TENM2: variants seen among roughly 807,000 people sequenced by gnomAD.
TENM2 encodes the protein teneurin transmembrane protein 2.
In TENM2, 52 loss-of-function variants were observed where a neutral mutation model predicts 245.2. That is an observed-to-expected ratio of 0.21 (90% confidence interval 0.17 to 0.27). The LOEUF (loss-of-function observed/expected upper bound fraction) is 0.27, where lower values mean the gene tolerates loss of function less well. TENM2 is among the 10% of genes least tolerant of loss of function. The probability of loss-of-function intolerance (pLI) is 1.00; values close to 1 mark genes in which losing one functional copy is unlikely to be tolerated. For missense variants in TENM2, 3,046 were observed against 3,666.8 expected, an observed-to-expected ratio of 0.83 and a Z score of 4.37; for synonymous variants, 1,363 against 1,438.9, an observed-to-expected ratio of 0.95 and a Z score of 1.19.
Position 167,383,536 on chromosome 5 carries a change from G to C in TENM2, c.502+8063G>C, listed in dbSNP as rs1761221068. 2.6e-5 allele frequency among the ~76,000 whole-genome samples: 4 copies of C among 152,008 alleles called. No homozygotes were observed. In the South Asian group the frequency reaches 6.2e-4, roughly 24 times the overall value. ...ACTTGGTGGGGAATCCGCTTTCCTT[G>C]AAATATGTCCCTCTTCCTTTCCCAA... On this transcript the variant is annotated intron_variant, in intron 2 of 28. Transcript: ENST00000518659.
At chr5:167,599,718 G>T (rs776251044) in intron 2 of TENM2, among the ~76,000 whole-genome samples, 1 of 152,066 alleles carries the variant, frequency 6.6e-6, no homozygotes, top group Non-Finnish European at 1.5e-5. Flanking sequence ...GATTGATTTT[G>T]TGTTGTGTTT....
chr5:167,014,237 G>T, the TENM2 span, among the ~76,000 whole-genome samples: 175 of 146,396 alleles, frequency 1.2e-3, no homozygotes, highest in African/African-American at 3.9e-3. Context: ...ATTAGAAATG[G>T]ATGATGGCTT....
chr5:167,505,557 G>A (rs1769487162), intron 2 of TENM2, among the ~76,000 whole-genome samples: 1 of 152,152 alleles, frequency 6.6e-6, no homozygotes. Flanking sequence ...AAAAATGTAG[G>A]TAAACTTGTT....
intron 3 of TENM2, among the ~76,000 whole-genome samples, chr5:167,944,731 GA>G (rs1171609590): frequency 6.6e-6 from 1 of 152,188 alleles, no homozygotes; most frequent in Non-Finnish European, 1.5e-5. Context: ...TGAGGGTGAT[GA>G]AAATGTTCTA....
intron 7 of TENM2, among the ~76,000 whole-genome samples, chr5:168,081,791 G>A (rs1042026244): frequency 4.6e-5 from 7 of 152,148 alleles, no homozygotes; most frequent in Non-Finnish European, 1.0e-4. Context: ...AGTTTCTGCC[G>A]AGAGATCCAC....
At chr5:167,647,769 C>T (rs1238484535) in intron 2 of TENM2, among the ~76,000 whole-genome samples, 2 of 152,102 alleles carry the variant, frequency 1.3e-5, no homozygotes, top group Non-Finnish European at 2.9e-5. Flanking sequence ...TGATCTGACC[C>T]CCATCTGTAG....
the TENM2 span, among the ~76,000 whole-genome samples, chr5:167,174,548 T>C: frequency 6.6e-6 from 1 of 152,198 alleles, no homozygotes; most frequent in Non-Finnish European, 1.5e-5. Flanking sequence ...TTTGTTTTAA[T>C]TTTCTTTTTA....
intron 2 of TENM2, among the ~76,000 whole-genome samples, chr5:167,843,597 A>G (rs1303455504): frequency 1.3e-5 from 2 of 152,212 alleles, no homozygotes; most frequent in Non-Finnish European, 2.9e-5. Flanking sequence ...ATATTTTCCT[A>G]AACAAATAGA....
In TENM2 at chr5:167,954,465, G is replaced by T. The variant is rs188510628; in HGVS notation, c.947+1643G>T. ...TGAAAAGCTACGTATCGGGTATTAT[G>T]CTTTTTTAAAATTTATTATAGTTTA... On this transcript the variant is annotated intron_variant, in intron 4 of 28. Transcript: ENST00000518659. 1.5e-4 allele frequency among the ~76,000 whole-genome samples: 23 copies of T among 152,244 alleles called. No individual in the cohort carries two copies. The East Asian group carries it at 4.4e-3, about 29-fold the overall frequency.
At chr5:167,918,878 C>T (rs542421586) in intron 3 of TENM2, among the ~76,000 whole-genome samples, 5 of 151,846 alleles carry the variant, frequency 3.3e-5, no homozygotes, top group East Asian at 1.9e-4. Context: ...AATGTTCTTC[C>T]GAGCAGCTTG....
intron 2 of TENM2, among the ~76,000 whole-genome samples, chr5:167,628,185 C>A (rs542888882): frequency 6.6e-6 from 1 of 152,292 alleles, no homozygotes; most frequent in African/African-American, 2.4e-5. Context: ...GCACTGTATT[C>A]AGGTCTTCAG....
chr5:167,543,106 T>G (rs933641657), intron 2 of TENM2, among the ~76,000 whole-genome samples: 7 of 152,204 alleles, frequency 4.6e-5, no homozygotes, highest in Non-Finnish European at 7.3e-5. Flanking sequence ...CCCAGGAATC[T>G]GCTCTAAGCT....
At chr5:167,171,311 C>A in the TENM2 span, among the ~76,000 whole-genome samples, 1 of 152,202 alleles carries the variant, frequency 6.6e-6, no homozygotes, top group Non-Finnish European at 1.5e-5. Context: ...TTCCTAGAAC[C>A]TTGAGTTGCC....
At chr5:167,024,534 A>G in the TENM2 span, among the ~76,000 whole-genome samples, 11 of 152,134 alleles carry the variant, frequency 7.2e-5, no homozygotes, top group Non-Finnish European at 1.0e-4. Context: ...CAGGGCTGGG[A>G]AGGCTATTTT....
At chr5:167,410,091 C>T (rs532392431) in intron 2 of TENM2, among the ~76,000 whole-genome samples, 1 of 151,944 alleles carries the variant, frequency 6.6e-6, no homozygotes, top group South Asian at 2.1e-4. Flanking sequence ...CTTACCTGTC[C>T]AGTATGGAGC....
the TENM2 span, among the ~76,000 whole-genome samples, chr5:167,114,818 G>A: frequency 6.6e-6 from 1 of 152,198 alleles, no homozygotes; most frequent in Non-Finnish European, 1.5e-5. Context: ...AAGCCAAAGA[G>A]GTGTATATTA....
chr5:167,873,147 G>C (rs776525951), intron 2 of TENM2, among the ~76,000 whole-genome samples: 4 of 152,252 alleles, frequency 2.6e-5, no homozygotes, highest in African/African-American at 7.2e-5. Flanking sequence ...CAGGAGCCTT[G>C]AAGAAGGCAG....
At chr5:167,195,148 C>T in the TENM2 span, among the ~76,000 whole-genome samples, 1 of 151,954 alleles carries the variant, frequency 6.6e-6, no homozygotes, top group African/African-American at 2.4e-5. Context: ...AGTGCCCCCA[C>T]CAGAAAAGAG....
intron 3 of TENM2, among the ~76,000 whole-genome samples, chr5:167,895,387 C>T (rs138204495): frequency 3.7e-4 from 57 of 152,296 alleles, no homozygotes; most frequent in African/African-American, 1.3e-3. Flanking sequence ...TTAAGTTTGT[C>T]ACTTGCTTTG....
Sources: gnomAD v4.1 joint callset for allele counts (sites outside exome capture counted in the v4.1 genomes callset) on GRCh38, gnomAD v4.1.1 for gene constraint, MANE v1.5 for transcripts, NCBI Gene and HGNC (gene_info 2026-07-23, HGNC 2026-07-21) for gene names.